LHPP: variants seen among roughly 807,000 people sequenced by gnomAD.
LHPP encodes phospholysine phosphohistidine inorganic pyrophosphate phosphatase.
LHPP carries 24 observed loss-of-function variants against 30.3 expected under a neutral mutation model. The observed-to-expected ratio is 0.79, with a 90% CI of 0.57 to 1.11. The LOEUF (loss-of-function observed/expected upper bound fraction) is 1.11, where lower values mean the gene tolerates loss of function less well. LHPP is among the 50% of genes most tolerant of loss of function. The pLI is 0.00. For synonymous variants in LHPP, 150 were observed against 157.1 expected (o/e 0.95, Z 0.34); for missense variants, 356 against 367.2 (o/e 0.97, Z 0.25).
intron 1 of LHPP, among the ~76,000 whole-genome samples, chr10:124,466,136 A>C (rs963632522): frequency 1.3e-5 from 2 of 152,058 alleles, no homozygotes; most frequent in Admixed American, 6.5e-5. Flanking sequence ...TCAGATATCC[A>C]TCAGTAGGGG....
At chr10:124,512,251 C>G (rs1375227676) in intron 5 of LHPP, among the ~76,000 whole-genome samples, 1 of 152,132 alleles carries the variant, frequency 6.6e-6, no homozygotes, top group Non-Finnish European at 1.5e-5. Flanking sequence ...TGTTGCAGGT[C>G]GGGGGCCTCT....
intron 3 of LHPP, among the ~76,000 whole-genome samples, chr10:124,495,467 T>G (rs1199735465): frequency 6.6e-6 from 1 of 152,236 alleles, no homozygotes; most frequent in Admixed American, 6.5e-5. Flanking sequence ...GGGAAGCATC[T>G]GAGGCAGGCA....
At position 124,504,167 on chromosome 10, in the gene LHPP, G is replaced by A. The variant is rs184623534; in HGVS notation, c.624+6039G>A. Reference sequence around the variant, plus strand: ...AGATCCTGCCACTGCACTCCAGCCTGGGTGACAGAGTGAGACTCTGTCTCA... The same window carrying A: ...AGATCCTGCCACTGCACTCCAGCCTAGGTGACAGAGTGAGACTCTGTCTCA... On this transcript the variant is annotated intron_variant, in intron 5 of 6. Coordinates refer to ENST00000368842, the MANE Select transcript of LHPP (RefSeq NM_022126.4). Among the ~76,000 whole-genome samples, 1,227 of 152,140 alleles carry A rather than the reference G, an allele frequency of 8.1e-3. 12 individuals are homozygous for A. The highest frequency in any genetic ancestry group is 0.029 in the African/African-American group (1,187 of 41,476).
At chr10:124,537,092 G>A (rs1458684364) in intron 6 of LHPP, among the ~76,000 whole-genome samples, 1 of 152,212 alleles carries the variant, frequency 6.6e-6, no homozygotes, top group Non-Finnish European at 1.5e-5. Flanking sequence ...TAAGCCTTAA[G>A]GTAAATTTCA....
At chr10:124,526,600 C>G (rs1277227331) in intron 6 of LHPP, among the ~76,000 whole-genome samples, 1 of 152,224 alleles carries the variant, frequency 6.6e-6, no homozygotes, top group Non-Finnish European at 1.5e-5. Flanking sequence ...GACTGGTCAG[C>G]TCCCGCCCTC....
chr10:124,514,565 T>C (rs1954398442), intron 5 of LHPP, among the ~76,000 whole-genome samples: 1 of 152,236 alleles, frequency 6.6e-6, no homozygotes, highest in African/African-American at 2.4e-5. Context: ...GTCTTAATCT[T>C]CGTTTCTCTG....
chr10:124,545,651 C>T (rs899416716), intron 6 of LHPP, among the ~76,000 whole-genome samples: 13 of 150,840 alleles, frequency 8.6e-5, no homozygotes, highest in African/African-American at 2.7e-4. Context: ...TGTCAGGGGG[C>T]GGGGTGGGGT....
At chr10:124,605,991 C>T (rs1949087355) in intron 6 of LHPP, among the ~76,000 whole-genome samples, 1 of 152,186 alleles carries the variant, frequency 6.6e-6, no homozygotes, top group Non-Finnish European at 1.5e-5. Context: ...TCCGCTTCTA[C>T]CTCCGAAACC....
At chr10:124,582,070 C>A (rs1284231884) in intron 6 of LHPP, among the ~76,000 whole-genome samples, 8 of 150,694 alleles carry the variant, frequency 5.3e-5, no homozygotes, top group Admixed American at 1.3e-4. Context: ...GTGTGAGCCA[C>A]CGCACCTGGC....
intron 6 of LHPP, among the ~76,000 whole-genome samples, chr10:124,553,327 A>G (rs1024706679): frequency 1.7e-4 from 26 of 152,100 alleles, no homozygotes; most frequent in Admixed American, 2.6e-4. Flanking sequence ...TGTGGGGAGC[A>G]TATGGGGCTT....
rs927716424 is a variant in LHPP at position 124,523,919 on chromosome 10, G to T, written c.716+6648G>T. Among the ~76,000 whole-genome samples the T allele has an allele frequency of 6.6e-6, 1 of 152,204 alleles. No homozygotes were observed. Among genetic ancestry groups the T allele is most frequent in the Admixed American group, 6.5e-5 (1 of 15,286 alleles). On this transcript the variant is annotated intron_variant, in intron 6 of 6. Transcript: ENST00000368842. The surrounding 1 kb of genome is among the most constrained non-coding windows in gnomAD (Gnocchi z 4.2). The stretch of plus-strand genomic sequence containing the variant: ...ATCCTCTCAGCAGCCCTCTGGTCCT[G>T]CCCGGGATAGAGGCTGTGGCTTCTG...
chr10:124,517,412 T>C lies in LHPP; in HGVS notation c.716+141T>C, dbSNP rs753185730. On this transcript the variant is annotated intron_variant, in intron 6 of 6. Transcript: ENST00000368842. This position sits in a 1 kb window ranked among gnomAD's most constrained non-coding sequence, Gnocchi z 4.1. ...TGGGCATTCACTATCTTGTATGTAATGGACCTCTAAGAACAGGGCTGAGTG... is the reference window on the plus strand; with the variant it reads ...TGGGCATTCACTATCTTGTATGTAACGGACCTCTAAGAACAGGGCTGAGTG... 55 of 555,058 alleles carry C rather than the reference T, an allele frequency of 9.9e-5. No individual in the cohort carries two copies. The highest frequency in any genetic ancestry group is 1.5e-4 in the Non-Finnish European group (50 of 322,602). 34.4% of individuals were successfully genotyped at this position (555,058 alleles called of 1,614,324 possible). A position where few individuals can be genotyped will look rare whatever the true frequency, so the allele number is the denominator to read the frequency against.
chr10:124,584,033 T>C (rs568983397), intron 6 of LHPP, among the ~76,000 whole-genome samples: 1 of 152,160 alleles, frequency 6.6e-6, no homozygotes, highest in African/African-American at 2.4e-5. Flanking sequence ...AGATTCAGCT[T>C]GTCAATTTCA....
rs74160939 is a variant in LHPP at position 124,578,201 on chromosome 10, A to G, written c.717-35063A>G. Among the ~76,000 whole-genome samples the G allele has an allele frequency of 6.2e-3, 945 of 152,310 alleles. 7 individuals are homozygous for G. Among genetic ancestry groups the G allele is most frequent in the African/African-American group, 0.022 (907 of 41,566 alleles). On this transcript the variant is annotated intron_variant, in intron 6 of 6. Transcript: ENST00000368842. ...AGCCTTCACAGGTTGCTCCCTGCTG[A>G]TAGCCTTGACCTGCTTCCCAGGGCA... is the stretch of plus-strand genomic sequence containing the variant.
chr10:124,534,923 G>T (rs1187841351), intron 6 of LHPP, among the ~76,000 whole-genome samples: 1 of 152,214 alleles, frequency 6.6e-6, no homozygotes, highest in African/African-American at 2.4e-5. Flanking sequence ...TTTCTCAGGT[G>T]TCCTGGACTC....
chr10:124,556,750 TTTGA>T (rs1191180943), intron 6 of LHPP, among the ~76,000 whole-genome samples: 2 of 152,234 alleles, frequency 1.3e-5, no homozygotes, highest in Non-Finnish European at 2.9e-5. Flanking sequence ...TGGGATCTTC[TTTGA>T]TTGATAATGA....
intron 3 of LHPP, among the ~76,000 whole-genome samples, chr10:124,489,071 T>G (rs1335788996): frequency 6.6e-6 from 1 of 152,238 alleles, no homozygotes; most frequent in Non-Finnish European, 1.5e-5. Flanking sequence ...ATCAGTGTTT[T>G]GTCTGAGCCT....
intron 6 of LHPP, among the ~76,000 whole-genome samples, chr10:124,544,273 A>C (rs994178200): frequency 6.6e-6 from 1 of 152,206 alleles, no homozygotes; most frequent in Non-Finnish European, 1.5e-5. Context: ...CTTCTGGGGA[A>C]TGGAGCGGAA....
intron 1 of LHPP, among the ~76,000 whole-genome samples, chr10:124,465,099 C>T (rs181443191): frequency 8.6e-5 from 13 of 152,030 alleles, no homozygotes; most frequent in Non-Finnish European, 1.8e-4. Flanking sequence ...GTGTGATGGA[C>T]GAGGGTGGCC....
Sources: gnomAD v4.1 joint callset for allele counts (sites outside exome capture counted in the v4.1 genomes callset) on GRCh38, gnomAD v4.1.1 for gene constraint, Gnocchi (gnomAD v3.1) non-coding constraint, MANE v1.5 for transcripts, NCBI Gene and HGNC (gene_info 2026-07-23, HGNC 2026-07-21) for gene names.